Variants in APC2 observed in about 807,000 individuals in gnomAD.
APC2 encodes the protein APC regulator of Wnt signaling pathway 2, also known as adenomatous polyposis coli protein 2.
In APC2, 41 loss-of-function variants were observed where a neutral mutation model predicts 72.5. That is an observed-to-expected ratio of 0.57 (90% CI 0.44 to 0.73). The LOEUF is 0.73. Among genes scored for constraint, APC2 ranks in the 30% least tolerant of loss-of-function variants. APC2 has a pLI of 0.00. For missense variants in APC2, 3,729 were observed against 3,403.4 expected (o/e 1.10, Z -2.38); for synonymous variants, 1,898 against 1,612.0 (o/e 1.18, Z -4.25).
At chr19:1,446,267 G>A, upstream of APC2, 1 of 984,478 alleles carries the variant, frequency 1.0e-6, no homozygotes, top group Non-Finnish European at 1.2e-6. The surrounding 1 kb of genome is among the most constrained non-coding windows in gnomAD (Gnocchi z 6.1). Context: ...GGCGCGGCGG[G>A]TCCGGGGCGG....
Position 1,470,034 on chromosome 19 carries a change from G to T in APC2, c.6733G>T (p.Val2245Leu). 6.4e-7 allele frequency: 1 copy of T among 1,564,626 alleles called. No individual in the cohort carries two copies. The change falls in exon 15 of 15, where the codon GTG becomes TTG. Residue 2245 changes from valine to leucine, a missense_variant. Physicochemically the swap from Val to Leu is conservative, Grantham distance 32. Coordinates refer to ENST00000590469, the MANE Select transcript of APC2 (RefSeq NM_005883.3). ...CAAGGCTCCCATCTCCGCACCCTTC[G>T]TGCACGAGGGCCTGGGGGTCGCCGT... is the stretch of plus-strand genomic sequence containing the variant. ...LAKAPISAPFVHEGLGVAVGG... is the reference protein window; with the variant it reads ...LAKAPISAPFLHEGLGVAVGG...
chr19:1,461,447 T>A (rs2083920900), intron 13 of APC2: 2 of 474,868 alleles, frequency 4.2e-6, no homozygotes, highest in Admixed American at 3.6e-5. Flanking sequence ...CGGGCGCCTG[T>A]TAGTCCAGCT....
At position 1,468,887 on chromosome 19, in the gene APC2, C is replaced by T. The variant is rs2084077761; in HGVS notation, c.5586C>T (p.Ala1862=). The change falls in exon 15 of 15, where the codon GCC becomes GCT. Residue 1862 remains alanine (A), a synonymous_variant. Transcript: ENST00000590469. ...CGCTGAGCCAGCCCCCCAGAAGCGC[C>T]ACACCGCCCGCCCGCCTCGCCAAGA... ...LATLSQPPRS[A]TPPARLAKTP... 4 of 1,530,556 alleles carry T rather than the reference C, an allele frequency of 2.6e-6. No individual in the cohort carries two copies. Among genetic ancestry groups the T allele is most frequent in the Non-Finnish European group, 3.5e-6 (4 of 1,146,160 alleles). The allele number at this position is 1,530,556 out of a possible 1,614,324, so 94.8% of individuals were successfully genotyped here.
rs931434270 is a variant in APC2, at chr19:1,456,146, A to G, written c.710A>G (p.Glu237Gly). Residue 237 changes from glutamate to glycine, a missense_variant, in exon 7 of 15, where the codon GAG becomes GGG. Physicochemically the swap from Glu to Gly is moderately conservative, Grantham distance 98. Transcript: ENST00000590469. ...LEAQDRVQQT[E>G]PQALLAVKSV... The stretch of plus-strand genomic sequence containing the variant: ...GCGCAGGACCGAGTGCAGCAGACGG[A>G]GCCCCAGGTACCGGGTGGGGCAGAG... 2 of 1,589,338 alleles carry G rather than the reference A, an allele frequency of 1.3e-6. No homozygotes were observed. The highest frequency in any genetic ancestry group is 2.7e-5 in the African/African-American group (2 of 74,716).
At position 1,467,001 on chromosome 19, in the gene APC2, G is replaced by A. The variant is rs1315880166; in HGVS notation, c.3700G>A (p.Glu1234Lys). The A allele has an allele frequency of 1.2e-6, 2 of 1,609,770 alleles. No individual in the cohort carries two copies. Among genetic ancestry groups the A allele is most frequent in the Non-Finnish European group, 1.7e-6 (2 of 1,178,826 alleles). The change falls in exon 15 of 15, where the codon GAG (glutamate) becomes AAG (lysine). Residue 1234 changes from glutamate to lysine, a missense_variant. By Grantham distance (56) the Glu-to-Lys change is moderately conservative. Transcript: ENST00000590469. ...PEATQFSLQW[E>K]SYVKRFLDIA... The stretch of plus-strand genomic sequence containing the variant: ...GGCCACCCAGTTCAGCCTGCAGTGG[G>A]AGAGCTACGTGAAGCGCTTCCTGGA...
At position 1,466,817 on chromosome 19, in the gene APC2, G is replaced by A; in HGVS notation, c.3516G>A (p.Glu1172=). The A allele has an allele frequency of 6.4e-7, 1 of 1,553,728 alleles. No individual in the cohort carries two copies. Among genetic ancestry groups the A allele is most frequent in the Non-Finnish European group, 8.7e-7 (1 of 1,149,818 alleles). The change falls in exon 15 of 15, where the codon GAG becomes GAA. Residue 1172 remains glutamate (E), a synonymous_variant. Coordinates refer to ENST00000590469, the MANE Select transcript of APC2 (RefSeq NM_005883.3). The part of the protein sequence containing the change: ...CSSVSSLGSF[E]SPSIASSIPS... The stretch of plus-strand genomic sequence containing the variant: ...CTGTGAGCTCGCTGGGCAGCTTCGA[G>A]AGCCCGTCCATCGCCAGCTCCATCC...
rs200766407 is a variant in APC2 at position 1,468,428 on chromosome 19, G to T, written c.5127G>T (p.Glu1709Asp). ...WLHQAAAATR[E>D]ASSESDSILS... ...ACCAGGCAGCAGCTGCCACGCGGGA[G>T]GCCTCGTCCGAGTCCGACTCCATCC... The change falls in exon 15 of 15, where the codon GAG (glutamate) becomes GAT (aspartate). Residue 1709 changes from glutamate to aspartate, a missense_variant. Transcript: ENST00000590469. The T allele has an allele frequency of 2.5e-6, 4 of 1,591,948 alleles. No individual in the cohort carries two copies. The East Asian group carries it at 6.9e-5, about 27-fold the overall frequency.
At chr19:1,457,302 G>A (rs753058342) in intron 9 of APC2, 59 bp downstream of exon 9, 48 of 1,464,144 alleles carry the variant, frequency 3.3e-5, no homozygotes, top group African/African-American at 1.0e-4. Context: ...AGGGCTTCCC[G>A]GGGGATGGGC....
At chr19:1,449,666 C>A (rs932037038), upstream of APC2, among the ~76,000 whole-genome samples, 1 of 151,924 alleles carries the variant, frequency 6.6e-6, no homozygotes, top group Non-Finnish European at 1.5e-5. Context: ...CCAGGCAGGA[C>A]CCTCAGGGAG....
chr19:1,458,237 G>A (rs1369876036), intron 10 of APC2, 177 bp downstream of exon 10: 3 of 635,506 alleles, frequency 4.7e-6, no homozygotes, highest in South Asian at 3.7e-5. Flanking sequence ...CGTCACCCTG[G>A]GCCCTCTGTC....
Position 1,457,982 on chromosome 19 carries a change from C to T in APC2, c.1225C>T (p.Pro409Ser), listed in dbSNP as rs1249788214. ...GCCCACAGCCCCGATCCCCATCGAGCCGCAGATCTGCCAGGCCACCTGTGC... is the reference window on the plus strand; with the variant it reads ...GCCCACAGCCCCGATCCCCATCGAGTCGCAGATCTGCCAGGCCACCTGTGC... ...GAGSAPIPIE[P>S]QICQATCAVM... Residue 409 changes from proline (P) to serine (S), a missense_variant, in exon 10 of 15, where the codon CCG (proline) becomes TCG (serine). Physicochemically the swap from Pro to Ser is moderately conservative, Grantham distance 74. Coordinates refer to ENST00000590469, the MANE Select transcript of APC2 (RefSeq NM_005883.3). 10 of 1,560,774 alleles carry T rather than the reference C, an allele frequency of 6.4e-6. No individual in the cohort carries two copies. Among genetic ancestry groups the T allele is most frequent in the Non-Finnish European group, 8.7e-6 (10 of 1,151,606 alleles).
chr19:1,453,795 TCCCTCC>T (rs1009494071), intron 4 of APC2, among the ~76,000 whole-genome samples, 184 bp downstream of exon 4: 1 of 151,178 alleles, frequency 6.6e-6, no homozygotes, highest in African/African-American at 2.4e-5. Flanking sequence ...CCACGTGGCC[TCCCTCC>T]CCCTCCCCAG....
chr19:1,458,298 CT>C, intron 10 of APC2: 4 of 562,202 alleles, frequency 7.1e-6, no homozygotes, highest in African/African-American at 1.9e-5. Flanking sequence ...TCGGGGGTGA[CT>C]TTCAGCCCTA....
In APC2 at chr19:1,468,676, C is replaced by G; in HGVS notation, c.5375C>G (p.Thr1792Arg). 2.5e-6 allele frequency: 4 copies of G among 1,572,514 alleles called. No homozygotes were observed. Among genetic ancestry groups the G allele is most frequent in the Non-Finnish European group, 2.6e-6 (3 of 1,156,008 alleles). ...PGVPAVLRGR[T>R]VIYVPSPAPR... ...GTGCCAGCTGTGCTCCGGGGACGAA[C>G]AGTGATCTACGTCCCCAGCCCGGCA... is the stretch of plus-strand genomic sequence containing the variant. The change falls in exon 15 of 15, where the codon ACA (threonine) becomes AGA (arginine). Residue 1792 changes from threonine to arginine, a missense_variant. Coordinates refer to ENST00000590469, the MANE Select transcript of APC2 (RefSeq NM_005883.3).
upstream of APC2, among the ~76,000 whole-genome samples, chr19:1,448,503 G>A (rs1416556360): frequency 6.7e-6 from 1 of 148,658 alleles, no homozygotes; most frequent in Non-Finnish European, 1.5e-5. Context: ...CCGAGATGGC[G>A]CCACTGCACT....
chr19:1,468,627 G>A lies in APC2; in HGVS notation c.5326G>A (p.Gly1776Ser). Residue 1776 changes from glycine to serine, a missense_variant, in exon 15 of 15, where the codon GGC becomes AGC. Physicochemically the swap from Gly to Ser is moderately conservative, Grantham distance 56. Transcript: ENST00000590469. ...CCCTGCAGGCCCCGAGAAGCCACGT[G>A]GCACACAGAAGACCACGCCCGGGGT... The part of the protein sequence containing the change: ...RSPAGPEKPR[G>S]TQKTTPGVPA... The A allele has an allele frequency of 6.2e-7, 1 of 1,601,228 alleles. No individual in the cohort carries two copies. Among genetic ancestry groups the A allele is most frequent in the Non-Finnish European group, 8.5e-7 (1 of 1,172,906 alleles).
At position 1,452,936 on chromosome 19, in the gene APC2, G is replaced by A. The variant is rs1363895702; in HGVS notation, c.-18-48G>A. The A allele has an allele frequency of 1.0e-5, 16 of 1,583,512 alleles. No homozygotes were observed. Among genetic ancestry groups the A allele is most frequent in the East Asian group, 9.0e-5 (4 of 44,508 alleles). ...GGCCGTCTGTCCGGAAGGCATCACC[G>A]CGCCCTCCCCAGACCATCAGCTGAA... On this transcript the variant is annotated intron_variant, in intron 1 of 14. Transcript: ENST00000590469. This position sits in a 1 kb window ranked among gnomAD's most constrained non-coding sequence, Gnocchi z 5.1.
Position 1,467,573 on chromosome 19 carries a change from C to T in APC2, c.4272C>T (p.Gly1424=), listed in dbSNP as rs763307188. The change falls in exon 15 of 15, where the codon GGC becomes GGT. Residue 1424 remains glycine, a synonymous_variant. Coordinates refer to ENST00000590469, the MANE Select transcript of APC2 (RefSeq NM_005883.3). ...PPRDQPGGPA[G]RQRPTGRPTS... is the part of the protein sequence containing the mutation. ...GGGACCAGCCCGGGGGACCAGCGGG[C>T]AGGCAAAGACCCACCGGCCGCCCCA... 62 of 1,510,686 alleles carry T rather than the reference C, an allele frequency of 4.1e-5. No homozygotes were observed. Among genetic ancestry groups the T allele is most frequent in the Admixed American group, 4.1e-5 (2 of 48,696 alleles). 93.6% of individuals were successfully genotyped at this position (1,510,686 alleles called of 1,614,324 possible).
In APC2 at chr19:1,467,848, A is replaced by G; in HGVS notation, c.4547A>G (p.Glu1516Gly). ...TGCTTCTACGGCAACGACTCGGACG[A>G]GGAGCCCCCGGCGGCCGCGCCCACG... Reference protein sequence around the residue: ...VYCFYGNDSDEEPPAAAPTPT... With the variant: ...VYCFYGNDSDGEPPAAAPTPT... The change falls in exon 15 of 15, where the codon GAG becomes GGG. Residue 1516 changes from glutamate (E) to glycine (G), a missense_variant. Coordinates refer to ENST00000590469, the MANE Select transcript of APC2 (RefSeq NM_005883.3). The G allele has an allele frequency of 6.5e-7, 1 of 1,539,104 alleles. No homozygotes were observed. Among genetic ancestry groups the G allele is most frequent in the Non-Finnish European group, 8.7e-7 (1 of 1,150,976 alleles).
Sources: allele counts gnomAD v4.1 joint callset (sites outside exome capture counted in the v4.1 genomes callset), GRCh38; gene constraint gnomAD v4.1.1; non-coding constraint Gnocchi (gnomAD v3.1); transcripts MANE v1.5; gene names NCBI Gene and HGNC (gene_info 2026-07-23, HGNC 2026-07-21).